The following ITGA9 variants were observed in gnomAD, a reference collection of about 807,000 sequenced individuals.
ITGA9 encodes the protein integrin alpha-9.
In ITGA9, 56 loss-of-function variants were observed where a neutral mutation model predicts 127.8. The observed-to-expected ratio is 0.44, with a 90% CI of 0.35 to 0.55. ITGA9 has a LOEUF of 0.55. Among genes scored for constraint, ITGA9 ranks in the 20% least tolerant of loss-of-function variants. The pLI, the probability that ITGA9 is intolerant of heterozygous loss-of-function variation, is 0.00. For synonymous variants in ITGA9, 508 were observed against 514.5 expected (o/e 0.99, Z 0.17); for missense variants, 1,196 against 1,347.1 (o/e 0.89, Z 1.76).
chr3:37,505,581 A>AG (rs1159720195), intron 6 of ITGA9, among the ~76,000 whole-genome samples: 1 of 152,150 alleles, frequency 6.6e-6, no homozygotes, highest in African/African-American at 2.4e-5. Flanking sequence ...AAAGGGCATG[A>AG]GGGAACCCTC....
intron 18 of ITGA9, among the ~76,000 whole-genome samples, chr3:37,710,394 TA>T (rs1701065950): frequency 9.1e-6 from 1 of 110,004 alleles, no homozygotes; most frequent in Non-Finnish European, 1.9e-5. Context: ...TGTCAAGAAA[TA>T]AATATCCCCC....
At chr3:37,630,185 A>G (rs1700217173) in intron 16 of ITGA9, among the ~76,000 whole-genome samples, 1 of 152,124 alleles carries the variant, frequency 6.6e-6, no homozygotes. Flanking sequence ...TGCCTTGTAG[A>G]TTAGAGTTGT....
At chr3:37,596,279 CA>C (rs1699870005) in intron 15 of ITGA9, among the ~76,000 whole-genome samples, 2 of 151,796 alleles carry the variant, frequency 1.3e-5, no homozygotes, top group Non-Finnish European at 2.9e-5. Context: ...AGAAAGGCTA[CA>C]ACTCAGTTTT....
At chr3:37,475,881 T>C (rs567577123) in intron 3 of ITGA9, among the ~76,000 whole-genome samples, 4 of 152,366 alleles carry the variant, frequency 2.6e-5, no homozygotes, top group African/African-American at 9.6e-5. Flanking sequence ...TTCCCGTGGT[T>C]CCTGGCAACA....
chr3:37,666,547 G>A (rs895031220), intron 17 of ITGA9, among the ~76,000 whole-genome samples: 1 of 152,112 alleles, frequency 6.6e-6, no homozygotes, highest in African/African-American at 2.4e-5. Context: ...TGGTTCGCTG[G>A]CGTTCCTCCG....
intron 8 of ITGA9, among the ~76,000 whole-genome samples, chr3:37,510,504 G>T (rs907630988): frequency 6.6e-6 from 1 of 152,118 alleles, no homozygotes; most frequent in Non-Finnish European, 1.5e-5. Context: ...TCTTGGTTTG[G>T]ATGAGAACCT....
chr3:37,703,969 C>G (rs1016997208), intron 18 of ITGA9, among the ~76,000 whole-genome samples: 1 of 152,120 alleles, frequency 6.6e-6, no homozygotes, highest in Non-Finnish European at 1.5e-5. Flanking sequence ...CAAATACCAG[C>G]TTCCTTGGTG....
At chr3:37,473,333 G>A in intron 2 of ITGA9, 21 bp from the exon 3 acceptor site, 1 of 1,604,458 alleles carries the variant, frequency 6.2e-7, no homozygotes, top group African/African-American at 1.3e-5. Context: ...CCCAAGTCTG[G>A]CTCTTCTCCT....
At chr3:37,488,910 A>G (rs1398144024) in intron 4 of ITGA9, among the ~76,000 whole-genome samples, 1 of 152,154 alleles carries the variant, frequency 6.6e-6, no homozygotes, top group Non-Finnish European at 1.5e-5. Flanking sequence ...TGCCATTATC[A>G]CCACCATCCA....
intron 18 of ITGA9, among the ~76,000 whole-genome samples, chr3:37,727,131 C>T (rs182882152): frequency 6.6e-6 from 1 of 152,288 alleles, no homozygotes; most frequent in East Asian, 1.9e-4. Context: ...ATGTGGCTGA[C>T]GAGGTGCTAC....
At chr3:37,768,130 A>G (rs1445505523) in intron 23 of ITGA9, among the ~76,000 whole-genome samples, 3 of 152,182 alleles carry the variant, frequency 2.0e-5, no homozygotes, top group Admixed American at 6.5e-5. Flanking sequence ...ATTATATTTT[A>G]GTCTTTGGTC....
intron 16 of ITGA9, among the ~76,000 whole-genome samples, chr3:37,645,840 G>T (rs1489967101): frequency 6.6e-6 from 1 of 152,166 alleles, no homozygotes; most frequent in Non-Finnish European, 1.5e-5. Context: ...AAGATTTTCT[G>T]GTACAGATTT....
At chr3:37,615,505 C>T (rs1700065072) in intron 15 of ITGA9, among the ~76,000 whole-genome samples, 2 of 152,154 alleles carry the variant, frequency 1.3e-5, no homozygotes, top group Admixed American at 1.3e-4. Context: ...AGGATTCCCT[C>T]TTTTTCTGTT....
chr3:37,453,597 A>G (rs889368575), intron 1 of ITGA9, among the ~76,000 whole-genome samples: 1 of 152,164 alleles, frequency 6.6e-6, no homozygotes, highest in Non-Finnish European at 1.5e-5. Context: ...ATGGGGGCCC[A>G]GGTGACAGCC....
intron 18 of ITGA9, among the ~76,000 whole-genome samples, chr3:37,690,269 C>T (rs981057): frequency 0.61 from 92,314 of 151,948 alleles, 28,161 homozygotes; most frequent in South Asian, 0.8. Flanking sequence ...GGAGAGAACC[C>T]GGTAGGATGG....
At chr3:37,625,262 G>A (rs1056422904) in intron 15 of ITGA9, among the ~76,000 whole-genome samples, 3 of 152,194 alleles carry the variant, frequency 2.0e-5, no homozygotes, top group Admixed American at 6.5e-5. Flanking sequence ...GTGTTGCACT[G>A]CGTTGTCATC....
chr3:37,587,022 C>T (rs1196748214), intron 15 of ITGA9, among the ~76,000 whole-genome samples: 1 of 152,158 alleles, frequency 6.6e-6, no homozygotes, highest in Non-Finnish European at 1.5e-5. Context: ...GGCATGTTTC[C>T]CTCATTTTTG....
intron 26 of ITGA9, among the ~76,000 whole-genome samples, chr3:37,800,351 G>A (rs952111949): frequency 2.0e-5 from 3 of 152,314 alleles, no homozygotes; most frequent in East Asian, 3.9e-4. Context: ...TGCTTTCACA[G>A]AACTGCCACA....
At chr3:37,684,248 TC>T (rs1700760562) in intron 18 of ITGA9, among the ~76,000 whole-genome samples, 1 of 152,158 alleles carries the variant, frequency 6.6e-6, no homozygotes, top group South Asian at 2.1e-4. Flanking sequence ...TTATGTAGTC[TC>T]CCATCCCTTC....
Sources: gnomAD v4.1 joint callset for allele counts (sites outside exome capture counted in the v4.1 genomes callset) on GRCh38, gnomAD v4.1.1 for gene constraint, MANE v1.5 for transcripts, NCBI Gene and HGNC (gene_info 2026-07-23, HGNC 2026-07-21) for gene names.